The following GRM7 variants were observed in gnomAD, a reference collection of about 807,000 sequenced individuals.
The protein encoded by GRM7 is metabotropic glutamate receptor 7.
GRM7 carries 35 observed loss-of-function variants against 84.5 expected under a neutral mutation model. The observed-to-expected ratio is 0.41, with a 90% CI of 0.32 to 0.55. The LOEUF (loss-of-function observed/expected upper bound fraction) is 0.55, where lower values mean the gene tolerates loss of function less well. GRM7 is among the 20% of genes least tolerant of loss of function. The probability of loss-of-function intolerance (pLI) is 0.19; values close to 1 mark genes in which losing one functional copy is unlikely to be tolerated. For missense variants in GRM7, 1,003 were observed against 1,194.6 expected, an observed-to-expected ratio of 0.84 and a Z score of 2.36; for synonymous variants, 487 against 455.1, an observed-to-expected ratio of 1.07 and a Z score of -0.89.
chr3:6,919,302 G>A (rs1452236477), intron 1 of GRM7, among the ~76,000 whole-genome samples: 1 of 151,442 alleles, frequency 6.6e-6, no homozygotes, highest in African/African-American at 2.4e-5. Flanking sequence ...GGGTTCAAGC[G>A]ATTCTTCTGC....
At position 7,118,049 on chromosome 3, in the gene GRM7, G is replaced by T. The variant is rs912546238; in HGVS notation, c.520-28403G>T. Among the ~76,000 whole-genome samples the T allele has an allele frequency of 2.6e-5, 4 of 152,184 alleles. No homozygotes were observed. In the South Asian group the frequency reaches 8.3e-4, roughly 32 times the overall value. On this transcript the variant is annotated intron_variant, in intron 1 of 9. Transcript: ENST00000357716. ...TTACAAAAATAGAAGGACAATTTCTGTCAAAGGGAAAGATAGTTTTCCTAT... is the reference window on the plus strand; with the variant it reads ...TTACAAAAATAGAAGGACAATTTCTTTCAAAGGGAAAGATAGTTTTCCTAT...
chr3:6,995,995 C>T (rs1042520938), intron 1 of GRM7, among the ~76,000 whole-genome samples: 3 of 152,128 alleles, frequency 2.0e-5, no homozygotes, highest in Non-Finnish European at 2.9e-5. Context: ...TTCATGAAAA[C>T]GCATCCAGCC....
intron 1 of GRM7, among the ~76,000 whole-genome samples, chr3:7,115,405 T>A (rs1692997559): frequency 6.6e-6 from 1 of 152,096 alleles, no homozygotes; most frequent in Non-Finnish European, 1.5e-5. Context: ...GCTCTGAGCG[T>A]GCTAATTTCT....
chr3:7,174,880 T>C (rs1695094771), intron 2 of GRM7, among the ~76,000 whole-genome samples: 1 of 152,258 alleles, frequency 6.6e-6, no homozygotes, highest in Non-Finnish European at 1.5e-5. Flanking sequence ...GCCAATTTTG[T>C]GACATACTCT....
intron 2 of GRM7, among the ~76,000 whole-genome samples, chr3:7,255,849 G>A (rs1415929408): frequency 6.6e-6 from 1 of 152,208 alleles, no homozygotes; most frequent in East Asian, 1.9e-4. Context: ...CTCCTCAGGA[G>A]TTTCTGTCTA....
intron 1 of GRM7, among the ~76,000 whole-genome samples, chr3:6,965,338 G>C (rs1388536344): frequency 1.3e-5 from 2 of 151,550 alleles, no homozygotes; most frequent in Non-Finnish European, 2.9e-5. Context: ...ATTTTTTGGA[G>C]ACAGAGTTTT....
At chr3:6,909,441 T>C (rs1406003506) in intron 1 of GRM7, among the ~76,000 whole-genome samples, 1 of 152,170 alleles carries the variant, frequency 6.6e-6, no homozygotes. Context: ...TCTTCCCCTA[T>C]AAACTCCTTC....
chr3:7,229,726 C>CATATATATATATATATATATAT (rs1162837346), intron 2 of GRM7, among the ~76,000 whole-genome samples: 1 of 28,590 alleles, frequency 3.5e-5, no homozygotes, highest in Non-Finnish European at 6.1e-5. Flanking sequence ...TAGACACACA[C>CATATATATATATATATATATAT]ATATATATAT....
At chr3:7,356,370 C>T (rs1345155480) in intron 4 of GRM7, among the ~76,000 whole-genome samples, 6 of 150,078 alleles carry the variant, frequency 4.0e-5, no homozygotes, top group South Asian at 2.1e-4. Context: ...GGTGTGATCT[C>T]GGCTCGCTGC....
At chr3:7,468,620 C>T (rs1698559085) in intron 7 of GRM7, among the ~76,000 whole-genome samples, 1 of 152,192 alleles carries the variant, frequency 6.6e-6, no homozygotes, top group African/African-American at 2.4e-5. Context: ...CCTGTGCCCC[C>T]ACCCAAATCT....
intron 8 of GRM7, among the ~76,000 whole-genome samples, chr3:7,674,774 C>A (rs1311448476): frequency 1.3e-5 from 2 of 152,198 alleles, no homozygotes; most frequent in East Asian, 3.9e-4. Flanking sequence ...CTTGTGTGCA[C>A]AGCACATACG....
rs111464205 is a variant in GRM7 at position 7,398,828 on chromosome 3, T to C, written c.1034-16195T>C. On this transcript the variant is annotated intron_variant, in intron 4 of 9. Coordinates refer to ENST00000357716, the MANE Select transcript of GRM7 (RefSeq NM_000844.4). ...TTTGAGTGCTCAGGTCCCATGGCCA[T>C]GAAGCCAACCCTGGTTGTTACTAAG... Among the ~76,000 whole-genome samples the C allele has an allele frequency of 2.7e-3, 414 of 152,206 alleles. 2 individuals carry two copies. Among genetic ancestry groups the C allele is most frequent in the African/African-American group, 9.4e-3 (391 of 41,536 alleles).
Position 7,661,794 on chromosome 3 carries a change from CAAAAAAAAAA to C in GRM7, c.2452-18238_2452-18229del, listed in dbSNP as rs71043686. Reference sequence around the variant, plus strand: ...GGGCCACAGAGCGAGGTCTCCGTCTCAAAAAAAAAAAAAAAAAAAAAAAAAATGTAAAATG... The same window carrying C: ...GGGCCACAGAGCGAGGTCTCCGTCTCAAAAAAAAAAAAAAAATGTAAAATG... On this transcript the variant is annotated intron_variant, in intron 8 of 9. Coordinates refer to ENST00000357716, the MANE Select transcript of GRM7 (RefSeq NM_000844.4). Among the ~76,000 whole-genome samples the C allele has an allele frequency of 5.0e-4, 14 of 28,202 alleles. 1 individual carries two copies. Among genetic ancestry groups the C allele is most frequent in the East Asian group, 3.7e-3 (2 of 546 alleles). 18.5% of individuals were successfully genotyped at this position (28,202 alleles called of 152,430 possible).
At chr3:7,235,186 C>G (rs1697311210) in intron 2 of GRM7, among the ~76,000 whole-genome samples, 1 of 152,182 alleles carries the variant, frequency 6.6e-6, no homozygotes. Flanking sequence ...AGTGCAGGAT[C>G]TGCGAGTGCC....
chr3:7,668,221 T>C (rs892256467), intron 8 of GRM7, among the ~76,000 whole-genome samples: 2 of 152,234 alleles, frequency 1.3e-5, no homozygotes, highest in South Asian at 2.1e-4. Flanking sequence ...CCTCAGGCTC[T>C]TTCCCCTTCC....
At chr3:7,051,077 C>G (rs767260441) in intron 1 of GRM7, among the ~76,000 whole-genome samples, 1 of 151,680 alleles carries the variant, frequency 6.6e-6, no homozygotes, top group Non-Finnish European at 1.5e-5. Context: ...CACTCACAAA[C>G]ATATTTTCTT....
At chr3:7,566,654 G>C (rs1411881943) in intron 7 of GRM7, among the ~76,000 whole-genome samples, 1 of 120,262 alleles carries the variant, frequency 8.3e-6, no homozygotes, top group Non-Finnish European at 1.7e-5. Context: ...TTGTGACACT[G>C]AATAAAAAAA....
chr3:7,605,877 G>A (rs893754905), intron 8 of GRM7, among the ~76,000 whole-genome samples: 2 of 152,156 alleles, frequency 1.3e-5, no homozygotes, highest in Non-Finnish European at 2.9e-5. Context: ...TGCTATTGTA[G>A]TGCAAATGCA....
chr3:7,685,378 C>T (rs1264313794), intron 9 of GRM7, among the ~76,000 whole-genome samples: 2 of 152,086 alleles, frequency 1.3e-5, no homozygotes, highest in East Asian at 1.9e-4. Context: ...GCCCGCAAGC[C>T]GTGCAGAGAA....
Sources: allele counts gnomAD v4.1 joint callset (sites outside exome capture counted in the v4.1 genomes callset), GRCh38; gene constraint gnomAD v4.1.1; transcripts MANE v1.5; gene names NCBI Gene and HGNC (gene_info 2026-07-23, HGNC 2026-07-21).